S1PR3: variants seen among roughly 807,000 people sequenced by gnomAD.
S1PR3 encodes sphingosine 1-phosphate receptor 3.
A neutral mutation model predicts 13.3 loss-of-function variants in S1PR3; 12 were observed. That is an observed-to-expected ratio of 0.90 (90% CI 0.58 to 1.46). The LOEUF (loss-of-function observed/expected upper bound fraction) is 1.46, where lower values mean the gene tolerates loss of function less well. Ranked by LOEUF, S1PR3 falls within the 40% of genes most tolerant of loss-of-function variation. The pLI is 0.00. For synonymous variants in S1PR3, 232 were observed against 214.0 expected, an observed-to-expected ratio of 1.08 and a Z score of -0.73; for missense variants, 450 against 501.9, an observed-to-expected ratio of 0.90 and a Z score of 0.99.
chr9:89,003,783 C>T lies in S1PR3; in HGVS notation c.*1446C>T, dbSNP rs117145268. 3,071 of 165,994 alleles carry T rather than the reference C, an allele frequency of 0.019. 37 individuals carry two copies. Among genetic ancestry groups the T allele is most frequent in the Middle Eastern group, 0.064 (19 of 296 alleles). The allele number at this position is 165,994 out of a possible 1,614,324, so 10.3% of individuals were successfully genotyped here. A position where few individuals can be genotyped will look rare whatever the true frequency, so the allele number is the denominator to read the frequency against. The stretch of plus-strand genomic sequence containing the variant: ...TATTTTAGGTTCAGTGAGCATTTGC[C>T]TGAATAAAACCTAAAAGAGTAGTCT... On this transcript the variant is annotated 3_prime_UTR_variant, in exon 2 of 2. Coordinates refer to ENST00000358157, the MANE Select transcript of S1PR3 (RefSeq NM_005226.4).
At chr9:88,991,361 G>T (rs1412141344), upstream of S1PR3, 4 of 1,207,826 alleles carry the variant, frequency 3.3e-6, no homozygotes, top group Non-Finnish European at 4.6e-6. The surrounding 1 kb of genome is among the most constrained non-coding windows in gnomAD (Gnocchi z 4.0). Context: ...GACGGGGAGA[G>T]GGGGGCGGGG....
In S1PR3 at chr9:89,003,269, G is replaced by A. The variant is rs1230383886; in HGVS notation, c.*932G>A. The A allele has an allele frequency of 6.0e-6, 1 of 167,132 alleles. No homozygotes were observed. The highest frequency in any genetic ancestry group is 1.9e-4 in the East Asian group (1 of 5,204). The allele number at this position is 167,132 out of a possible 1,614,324, so 10.4% of individuals were successfully genotyped here. A position where few individuals can be genotyped will look rare whatever the true frequency, so the allele number is the denominator to read the frequency against. ...ATGGAAGCTGTCCAGGAAATGAGCA[G>A]AGATTCACAAGACAGCACTTTGATT... On this transcript the variant is annotated 3_prime_UTR_variant, in exon 2 of 2. Transcript: ENST00000358157.
intron 1 of S1PR3, chr9:88,992,954 C>T (rs6559331): frequency 0.47 from 71,216 of 152,476 alleles, 17,157 homozygotes; most frequent in African/African-American, 0.59. Context: ...CTTTGGGCCT[C>T]TGAAATCACT....
chr9:88,996,136 A>T (rs539417411), intron 1 of S1PR3: 1 of 158,438 alleles, frequency 6.3e-6, no homozygotes, highest in East Asian at 1.9e-4. Context: ...CAAAGAGTGA[A>T]CACTAATACT....
chr9:89,002,666 C>T lies in S1PR3; in HGVS notation c.*329C>T, dbSNP rs1352922112. 2.7e-6 allele frequency: 1 copy of T among 370,270 alleles called. No individual in the cohort carries two copies. The highest frequency in any genetic ancestry group is 5.2e-6 in the Non-Finnish European group (1 of 192,788). 22.9% of individuals were successfully genotyped at this position (370,270 alleles called of 1,614,324 possible). Reference sequence around the variant, plus strand: ...CCACACAATGCTGTGTGACCCTCTCCGTGTGCCTCTGAATGGTGTTTTGAT... The same window carrying T: ...CCACACAATGCTGTGTGACCCTCTCTGTGTGCCTCTGAATGGTGTTTTGAT... On this transcript the variant is annotated 3_prime_UTR_variant, in exon 2 of 2. Transcript: ENST00000358157.
Position 89,002,145 on chromosome 9 carries a change from C to G in S1PR3, c.945C>G (p.Asn315Lys). 1 of 1,613,902 alleles carries G rather than the reference C, an allele frequency of 6.2e-7. No individual in the cohort carries two copies. ...GGGCCTTCTTCCGTCTGGTCTGCAA[C>G]TGCCTGGTCAGGGGACGGGGGGCCC... ...MRRAFFRLVC[N>K]CLVRGRGARA... Residue 315 changes from asparagine (N) to lysine (K), a missense_variant, in exon 2 of 2, where the codon AAC (asparagine) becomes AAG (lysine). Transcript: ENST00000358157.
chr9:88,992,299 T>TCTCG, intron 1 of S1PR3: 2 of 407,314 alleles, frequency 4.9e-6, no homozygotes, highest in African/African-American at 2.1e-5. Flanking sequence ...TCTCTCTCTC[T>TCTCG]TCCTCTGACT....
At chr9:88,991,426 C>A (rs770577850), upstream of S1PR3, 22 of 1,533,862 alleles carry the variant, frequency 1.4e-5, no homozygotes, top group South Asian at 7.2e-5. The surrounding 1 kb of genome is among the most constrained non-coding windows in gnomAD (Gnocchi z 4.0). Context: ...GGTCCCGCCC[C>A]GGCGGGCCGC....
At chr9:88,991,283 G>A, upstream of S1PR3, 1 of 1,534,312 alleles carries the variant, frequency 6.5e-7, no homozygotes. The surrounding 1 kb of genome is among the most constrained non-coding windows in gnomAD (Gnocchi z 4.0). Flanking sequence ...GGCGGGCGGG[G>A]CGCACGGAGA....
upstream of S1PR3, chr9:88,991,408 G>A: frequency 1.3e-6 from 2 of 1,509,548 alleles, no homozygotes; most frequent in Non-Finnish European, 1.8e-6. This position sits in a 1 kb window ranked among gnomAD's most constrained non-coding sequence, Gnocchi z 4.0. Flanking sequence ...GGGGAGGGGC[G>A]GAGCGCGGGT....
rs1305689312 is a variant in S1PR3 at position 89,002,903 on chromosome 9, C to A, written c.*566C>A. 5.8e-6 allele frequency: 1 copy of A among 171,912 alleles called. No homozygotes were observed. Among genetic ancestry groups the A allele is most frequent in the Non-Finnish European group, 1.4e-5 (1 of 70,750 alleles). The allele number at this position is 171,912 out of a possible 1,614,324, so 10.6% of individuals were successfully genotyped here. ...ACTAGGTGGACATGCCATCCCTGGT[C>A]TCCTTAGACTGACATGATTCTCATG... On this transcript the variant is annotated 3_prime_UTR_variant, in exon 2 of 2. Coordinates refer to ENST00000358157, the MANE Select transcript of S1PR3 (RefSeq NM_005226.4).
intron 1 of S1PR3, chr9:88,997,706 T>G (rs1825821247): frequency 6.6e-6 from 1 of 152,190 alleles, no homozygotes; most frequent in Admixed American, 6.5e-5. Flanking sequence ...CCCAACATAC[T>G]GGAGTGGGTA....
Position 89,001,806 on chromosome 9 carries a change from C to T in S1PR3, c.606C>T (p.Ser202=). The T allele has an allele frequency of 6.2e-7, 1 of 1,614,270 alleles. No homozygotes were observed. Among genetic ancestry groups the T allele is most frequent in the Non-Finnish European group, 8.5e-7 (1 of 1,180,056 alleles). Residue 202 remains serine (S), a synonymous_variant, in exon 2 of 2, where the codon AGC becomes AGT. Transcript: ENST00000358157. ...AGAAGTACATTGCCTTCTGCATCAG[C>T]ATCTTCACGGCCATCCTGGTGACCA... ...YSKKYIAFCI[S]IFTAILVTIV...
chr9:88,999,358 A>G (rs1199385386), intron 1 of S1PR3: 1 of 152,266 alleles, frequency 6.6e-6, no homozygotes, highest in Non-Finnish European at 1.5e-5. Context: ...AGGTCCCCCA[A>G]ATTGATGTAG....
rs750779639 is a variant in S1PR3, at chr9:89,001,360, G to A, written c.160G>A (p.Val54Ile). The A allele has an allele frequency of 2.5e-6, 4 of 1,614,086 alleles. No homozygotes were observed. The highest frequency in any genetic ancestry group is 1.3e-5 in the African/African-American group (1 of 74,946). Residue 54 changes from valine to isoleucine, a missense_variant, in exon 2 of 2, where the codon GTC becomes ATC. By Grantham distance (29) the Val-to-Ile change is conservative. Transcript: ENST00000358157. ...VLFLVICSFIVLENLMVLIAI... is the reference protein window; with the variant it reads ...VLFLVICSFIILENLMVLIAI... Reference sequence around the variant, plus strand: ...CTTCTTGGTCATCTGCAGCTTCATCGTCTTGGAGAACCTGATGGTTTTGAT... The same window carrying A: ...CTTCTTGGTCATCTGCAGCTTCATCATCTTGGAGAACCTGATGGTTTTGAT...
At chr9:88,991,357 G>A (rs1825696574), upstream of S1PR3, 2 of 1,144,328 alleles carry the variant, frequency 1.7e-6, no homozygotes, top group South Asian at 2.8e-5. The surrounding 1 kb of genome is among the most constrained non-coding windows in gnomAD (Gnocchi z 4.0). Flanking sequence ...GGGGGACGGG[G>A]AGAGGGGGGC....
In S1PR3 at chr9:89,001,828, A is replaced by G; in HGVS notation, c.628A>G (p.Thr210Ala). The change falls in exon 2 of 2, where the codon ACC becomes GCC. Residue 210 changes from threonine to alanine, a missense_variant. By Grantham distance (58) the Thr-to-Ala change is moderately conservative (BLOSUM62 0). Transcript: ENST00000358157. ...CAGCATCTTCACGGCCATCCTGGTG[A>G]CCATCGTGATCCTCTACGCACGCAT... is the stretch of plus-strand genomic sequence containing the variant. ...CISIFTAILV[T>A]IVILYARIYF... 6.2e-7 allele frequency: 1 copy of G among 1,614,184 alleles called. No homozygotes were observed. Among genetic ancestry groups the G allele is most frequent in the Non-Finnish European group, 8.5e-7 (1 of 1,180,034 alleles).
intron 1 of S1PR3, chr9:88,992,249 CT>C: frequency 1.8e-6 from 1 of 541,962 alleles, no homozygotes. Flanking sequence ...GGGCTTTGGG[CT>C]TTTTGAGTCT....
In S1PR3 at chr9:89,001,373, T is replaced by C. The variant is rs766561508; in HGVS notation, c.173T>C (p.Leu58Pro). The change falls in exon 2 of 2, where the codon CTG (leucine) becomes CCG (proline). Residue 58 changes from leucine (L) to proline (P), a missense_variant. Transcript: ENST00000358157. The stretch of plus-strand genomic sequence containing the variant: ...TGCAGCTTCATCGTCTTGGAGAACC[T>C]GATGGTTTTGATTGCCATCTGGAAA... ...VICSFIVLEN[L>P]MVLIAIWKNN... 10 of 1,614,212 alleles carry C rather than the reference T, an allele frequency of 6.2e-6. No individual in the cohort carries two copies. In the South Asian group the frequency reaches 1.1e-4, roughly 18 times the overall value.
Sources: gnomAD v4.1 joint callset for allele counts on GRCh38, gnomAD v4.1.1 for gene constraint, Gnocchi (gnomAD v3.1) non-coding constraint, MANE v1.5 for transcripts, NCBI Gene and HGNC (gene_info 2026-07-23, HGNC 2026-07-21) for gene names.